The following EPHA6 variants were observed in gnomAD, a reference collection of about 807,000 sequenced individuals.
EPHA6 encodes the protein EPH receptor A6, also known as ephrin type-A receptor 6.
Under a neutral mutation model 112.0 loss-of-function variants are expected in EPHA6, and 50 were observed. The ratio of observed to expected loss-of-function variants is 0.45; its 90% CI spans 0.36 to 0.56. EPHA6 has a LOEUF of 0.56. Ranked by LOEUF, EPHA6 falls within the 20% of genes least tolerant of loss-of-function variation. The probability of loss-of-function intolerance (pLI) is 0.00; values close to 1 mark genes in which losing one functional copy is unlikely to be tolerated. For missense variants in EPHA6, 1,280 were observed against 1,417.4 expected (o/e 0.90, Z 1.56); for synonymous variants, 529 against 490.7 (o/e 1.08, Z -1.03).
At chr3:97,458,509 T>A (rs929021759) in intron 7 of EPHA6, among the ~76,000 whole-genome samples, 3 of 152,160 alleles carry the variant, frequency 2.0e-5, no homozygotes, top group Non-Finnish European at 4.4e-5. Flanking sequence ...ATGGCAATAT[T>A]ACTTACTGAA....
chr3:97,695,045 C>T (rs1483217549), intron 14 of EPHA6, among the ~76,000 whole-genome samples: 1 of 152,116 alleles, frequency 6.6e-6, no homozygotes, highest in Non-Finnish European at 1.5e-5. Context: ...TAGTGTATTA[C>T]ATATTACAAT....
intron 4 of EPHA6, among the ~76,000 whole-genome samples, chr3:97,229,590 CTTATT>C (rs2108551555): frequency 6.6e-6 from 1 of 152,088 alleles, no homozygotes; most frequent in South Asian, 2.1e-4. Flanking sequence ...CAAAATTTTG[CTTATT>C]TTATTTACTT....
chr3:97,655,590 G>A (rs915255453), intron 14 of EPHA6, among the ~76,000 whole-genome samples: 69 of 151,980 alleles, frequency 4.5e-4, no homozygotes, highest in Admixed American at 7.9e-4. Flanking sequence ...ATAAACATAC[G>A]TGTGCATGTG....
intron 10 of EPHA6, among the ~76,000 whole-genome samples, chr3:97,488,883 A>G (rs1007050531): frequency 6.6e-6 from 1 of 152,202 alleles, no homozygotes; most frequent in African/African-American, 2.4e-5. Flanking sequence ...TTTACTCAAT[A>G]ATTTCAGAGC....
At position 97,592,660 on chromosome 3, in the gene EPHA6, G is replaced by A; in HGVS notation, c.2435G>A (p.Arg812Lys). The A allele has an allele frequency of 1.9e-6, 3 of 1,613,532 alleles. No homozygotes were observed. Among genetic ancestry groups the A allele is most frequent in the East Asian group, 4.5e-5 (2 of 44,842 alleles). ...GVEAFCPSFL[R>K]AGFLNSIQAP... The stretch of plus-strand genomic sequence containing the variant: ...GAGGCGTTTTGCCCCAGCTTCCTGA[G>A]GGCAGGGTTTTTAAATAGCATCCAG... Residue 812 changes from arginine to lysine, a missense_variant, in exon 12 of 18, where the codon AGG (arginine) becomes AAG (lysine). By Grantham distance (26) the Arg-to-Lys change is conservative (BLOSUM62 2). Around this residue, in one of 4 missense-constraint regions of EPHA6, gnomAD observed 878 missense variants for 999.7 expected, o/e 0.88. Transcript: ENST00000389672.
intron 3 of EPHA6, among the ~76,000 whole-genome samples, chr3:97,098,048 T>C (rs183264697): frequency 1.2e-3 from 183 of 152,098 alleles, no homozygotes; most frequent in Non-Finnish European, 1.9e-3. Context: ...GGCACTCACA[T>C]AATATTTACA....
chr3:97,360,378 A>G (rs1200129971), intron 5 of EPHA6, among the ~76,000 whole-genome samples: 1 of 152,114 alleles, frequency 6.6e-6, no homozygotes, highest in African/African-American at 2.4e-5. Flanking sequence ...GGTTCTTTCT[A>G]CTCCACTATC....
chr3:97,221,563 A>G (rs1168887586), intron 3 of EPHA6, among the ~76,000 whole-genome samples: 1 of 152,120 alleles, frequency 6.6e-6, no homozygotes, highest in African/African-American at 2.4e-5. Flanking sequence ...AAGAATATAT[A>G]AGAAAGAAAT....
At chr3:97,176,702 T>A (rs2076845050) in intron 3 of EPHA6, among the ~76,000 whole-genome samples, 1 of 151,980 alleles carries the variant, frequency 6.6e-6, no homozygotes, top group Non-Finnish European at 1.5e-5. Context: ...TAGTAGCCAC[T>A]AATTATCGTT....
At chr3:97,207,847 G>A (rs1300796161) in intron 3 of EPHA6, among the ~76,000 whole-genome samples, 3 of 152,096 alleles carry the variant, frequency 2.0e-5, no homozygotes, top group African/African-American at 4.8e-5. Flanking sequence ...GCTCCTGCTT[G>A]CCATGAAAAT....
At chr3:97,126,716 G>GT (rs1458655720) in intron 3 of EPHA6, among the ~76,000 whole-genome samples, 2 of 100,690 alleles carry the variant, frequency 2.0e-5, no homozygotes, top group East Asian at 4.7e-4. Flanking sequence ...CTTCACCTGT[G>GT]TTAAAAAAAA....
intron 3 of EPHA6, among the ~76,000 whole-genome samples, chr3:97,053,432 A>G (rs563824074): frequency 6.6e-6 from 1 of 152,166 alleles, no homozygotes; most frequent in Non-Finnish European, 1.5e-5. Flanking sequence ...AGGAAAGTAT[A>G]GGAATTCCTC....
At position 97,626,496 on chromosome 3, in the gene EPHA6, A is replaced by G. The variant is rs1163241584; in HGVS notation, c.2575-11377A>G. 2.0e-5 allele frequency among the ~76,000 whole-genome samples: 3 copies of G among 151,784 alleles called. No individual in the cohort carries two copies. The East Asian group carries it at 5.8e-4, about 29-fold the overall frequency. ...CAAGGATGCCAAAAGGGGACTGAGGATGGTAGTGAAGGGATCATTCAGGTA... is the reference window on the plus strand; with the variant it reads ...CAAGGATGCCAAAAGGGGACTGAGGGTGGTAGTGAAGGGATCATTCAGGTA... On this transcript the variant is annotated intron_variant, in intron 13 of 17. Coordinates refer to ENST00000389672, the MANE Select transcript of EPHA6 (RefSeq NM_001080448.3).
intron 2 of EPHA6, among the ~76,000 whole-genome samples, chr3:96,977,672 G>T (rs184605140): frequency 8.6e-5 from 13 of 151,472 alleles, no homozygotes; most frequent in African/African-American, 3.2e-4. Flanking sequence ...CCCTTGAACA[G>T]CATGGAGATT....
intron 2 of EPHA6, among the ~76,000 whole-genome samples, chr3:96,919,124 C>T (rs1410256184): frequency 2.0e-5 from 3 of 151,834 alleles, no homozygotes; most frequent in Non-Finnish European, 4.4e-5. Flanking sequence ...ATATGGGCAA[C>T]TGTGGAACGT....
chr3:97,479,438 T>C, intron 9 of EPHA6, 74 bp downstream of exon 9: 2 of 977,148 alleles, frequency 2.0e-6, no homozygotes, highest in South Asian at 2.1e-5. Context: ...AAACTGTATC[T>C]ATTGAGTTGA....
chr3:96,849,878 C>T (rs2035283051), intron 1 of EPHA6, among the ~76,000 whole-genome samples: 1 of 152,088 alleles, frequency 6.6e-6, no homozygotes, highest in Admixed American at 6.6e-5. Context: ...TTAGAGCATG[C>T]TTAGCAGAGT....
intron 1 of EPHA6, among the ~76,000 whole-genome samples, chr3:96,829,951 A>ACACACG: frequency 1.2e-5 from 1 of 82,410 alleles, no homozygotes; most frequent in South Asian, 4.2e-4. Context: ...GCGCGCGCGC[A>ACACACG]CACACACACA....
At chr3:97,435,068 G>A (rs369084740) in intron 6 of EPHA6, among the ~76,000 whole-genome samples, 1 of 151,996 alleles carries the variant, frequency 6.6e-6, no homozygotes, top group Non-Finnish European at 1.5e-5. Flanking sequence ...GCTGGGCCAG[G>A]AACTGGCAGC....
Sources: gnomAD v4.1 joint callset for allele counts (sites outside exome capture counted in the v4.1 genomes callset) on GRCh38, gnomAD v4.1.1 for gene constraint, gnomAD v4.1.1 regional missense constraint, MANE v1.5 for transcripts, NCBI Gene and HGNC (gene_info 2026-07-23, HGNC 2026-07-21) for gene names.